FSHR: variants seen among roughly 807,000 people sequenced by gnomAD.
FSHR encodes the protein follicle-stimulating hormone receptor.
Under a neutral mutation model 52.1 loss-of-function variants are expected in FSHR, and 46 were observed. The ratio of observed to expected loss-of-function variants is 0.88; its 90% CI spans 0.70 to 1.13. FSHR has a LOEUF of 1.13. FSHR is among the 50% of genes most tolerant of loss of function. FSHR has a pLI of 0.00. For synonymous variants in FSHR, 399 were observed against 309.6 expected (o/e 1.29, Z -3.03); for missense variants, 964 against 834.6 (o/e 1.16, Z -1.91).
chr2:49,038,512 C>A (rs1023852236), intron 2 of FSHR, among the ~76,000 whole-genome samples: 2 of 151,576 alleles, frequency 1.3e-5, no homozygotes, highest in African/African-American at 4.8e-5. Flanking sequence ...GTAGTCCCAG[C>A]TACTCAGGAG....
intron 2 of FSHR, among the ~76,000 whole-genome samples, chr2:49,021,886 T>TATATATAG (rs1273265515): frequency 1.3e-3 from 33 of 25,108 alleles, no homozygotes; most frequent in Non-Finnish European, 1.9e-3. Context: ...TATATATATA[T>TATATATAG]AGAGAGAGAG....
chr2:48,993,482 A>G (rs1288811187), intron 4 of FSHR, among the ~76,000 whole-genome samples: 3 of 151,982 alleles, frequency 2.0e-5, no homozygotes, highest in African/African-American at 4.8e-5. Context: ...ACTTTATGCA[A>G]TTTTGCCTAT....
intron 1 of FSHR, among the ~76,000 whole-genome samples, chr2:49,119,841 C>G (rs1671745347): frequency 6.6e-6 from 1 of 152,166 alleles, no homozygotes; most frequent in African/African-American, 2.4e-5. Context: ...CCTGGCTGAA[C>G]CTCAGTTTGC....
chr2:49,104,618 C>T lies in FSHR; in HGVS notation c.153-36328G>A, dbSNP rs533862691. Among the ~76,000 whole-genome samples the T allele has an allele frequency of 1.2e-3, 185 of 152,236 alleles. 5 individuals carry two copies. In the South Asian group the frequency reaches 0.035, roughly 29 times the overall value. On this transcript the variant is annotated intron_variant, in intron 1 of 9. Coordinates refer to ENST00000406846, the MANE Select transcript of FSHR (RefSeq NM_000145.4). ...TGAAAAATGGTTTGCAGAAAGATATCGTGTTCCAAAGGGCATGTAGAGTGG... is the reference window on the plus strand; with the variant it reads ...TGAAAAATGGTTTGCAGAAAGATATTGTGTTCCAAAGGGCATGTAGAGTGG...
At chr2:48,985,060 C>T (rs3788986) in intron 6 of FSHR, among the ~76,000 whole-genome samples, 2 of 151,966 alleles carry the variant, frequency 1.3e-5, no homozygotes, top group Non-Finnish European at 2.9e-5. Context: ...ATTTATTACA[C>T]GCACCCCTGG....
At chr2:49,076,948 C>T (rs911926520) in intron 1 of FSHR, among the ~76,000 whole-genome samples, 1 of 152,146 alleles carries the variant, frequency 6.6e-6, no homozygotes, top group Non-Finnish European at 1.5e-5. Context: ...CAGCTCTGCC[C>T]CTGTGGCTTT....
At chr2:49,050,855 C>T (rs998506585) in intron 2 of FSHR, among the ~76,000 whole-genome samples, 6 of 152,088 alleles carry the variant, frequency 3.9e-5, no homozygotes, top group Non-Finnish European at 5.9e-5. Flanking sequence ...ATCTTCACCA[C>T]GTTAAAAAAG....
chr2:49,104,289 A>G (rs965613970), intron 1 of FSHR, among the ~76,000 whole-genome samples: 1 of 152,144 alleles, frequency 6.6e-6, no homozygotes, highest in African/African-American at 2.4e-5. Flanking sequence ...AGCCATTGCC[A>G]CTTCCTCAGC....
At chr2:49,121,628 T>G (rs1355589089) in intron 1 of FSHR, among the ~76,000 whole-genome samples, 2 of 152,206 alleles carry the variant, frequency 1.3e-5, no homozygotes, top group African/African-American at 4.8e-5. Flanking sequence ...ACTTAATGAC[T>G]TCCTTTGCCT....
chr2:49,131,637 G>A (rs1280672216), intron 1 of FSHR, among the ~76,000 whole-genome samples: 1 of 152,066 alleles, frequency 6.6e-6, no homozygotes, highest in Non-Finnish European at 1.5e-5. Context: ...GTATTATCTT[G>A]AATGTAAAGA....
chr2:49,105,714 C>T (rs191698824), intron 1 of FSHR, among the ~76,000 whole-genome samples: 31 of 152,230 alleles, frequency 2.0e-4, no homozygotes, highest in Admixed American at 1.6e-3. Flanking sequence ...CTTTGTGAGC[C>T]GTGCTCTACT....
intron 1 of FSHR, among the ~76,000 whole-genome samples, chr2:49,075,658 T>G (rs1010255797): frequency 6.6e-6 from 1 of 152,098 alleles, no homozygotes; most frequent in East Asian, 1.9e-4. Flanking sequence ...GAGACAGTCT[T>G]GCTCTGTCAC....
intron 2 of FSHR, among the ~76,000 whole-genome samples, chr2:49,055,791 A>G (rs1207336822): frequency 1.3e-5 from 2 of 152,110 alleles, no homozygotes; most frequent in Non-Finnish European, 2.9e-5. Flanking sequence ...CGAGACAAGA[A>G]TACTATACCC....
At chr2:49,081,996 G>A (rs541100549) in intron 1 of FSHR, among the ~76,000 whole-genome samples, 9 of 152,292 alleles carry the variant, frequency 5.9e-5, no homozygotes, top group Admixed American at 5.9e-4. Flanking sequence ...TTTCACACAA[G>A]TTTAAAAGTT....
chr2:49,113,256 T>G (rs1416565551), intron 1 of FSHR, among the ~76,000 whole-genome samples: 1 of 152,154 alleles, frequency 6.6e-6, no homozygotes, highest in Admixed American at 6.5e-5. Flanking sequence ...ACACATTGCT[T>G]ATCTCATCGC....
chr2:49,073,779 C>T (rs1205652911), intron 1 of FSHR, among the ~76,000 whole-genome samples: 1 of 152,052 alleles, frequency 6.6e-6, no homozygotes, highest in Non-Finnish European at 1.5e-5. Flanking sequence ...CATTCTCAGA[C>T]TTCAAAATAT....
chr2:49,008,557 G>A (rs1667152102), intron 4 of FSHR, among the ~76,000 whole-genome samples: 1 of 151,288 alleles, frequency 6.6e-6, no homozygotes, highest in South Asian at 2.1e-4. Flanking sequence ...TGGGATGGCT[G>A]GGTCAAATGG....
At chr2:48,976,968 C>T (rs949756458) in intron 8 of FSHR, among the ~76,000 whole-genome samples, 5 of 151,982 alleles carry the variant, frequency 3.3e-5, no homozygotes, top group East Asian at 1.9e-4. Context: ...AGGGGTTTTT[C>T]GTGTCTCTGT....
intron 1 of FSHR, among the ~76,000 whole-genome samples, chr2:49,127,730 G>A (rs1349104180): frequency 1.4e-5 from 2 of 146,952 alleles, no homozygotes; most frequent in Non-Finnish European, 3.0e-5. Context: ...ACATTGATTT[G>A]TGCATGATTT....
Sources: gnomAD v4.1 joint callset for allele counts (sites outside exome capture counted in the v4.1 genomes callset) on GRCh38, gnomAD v4.1.1 for gene constraint, MANE v1.5 for transcripts, NCBI Gene and HGNC (gene_info 2026-07-23, HGNC 2026-07-21) for gene names.